The following TMCO5A variants were observed in gnomAD, a reference collection of about 807,000 sequenced individuals.
The protein encoded by TMCO5A is transmembrane and coiled-coil domain-containing protein 5A.
TMCO5A carries 34 observed loss-of-function variants against 42.3 expected under a neutral mutation model. The ratio of observed to expected loss-of-function variants is 0.80; its 90% confidence interval spans 0.61 to 1.07. TMCO5A has a LOEUF of 1.07. TMCO5A is among the 50% of genes least tolerant of loss of function. The pLI is 0.00. For missense variants in TMCO5A, 357 were observed against 327.9 expected, an observed-to-expected ratio of 1.09 and a Z score of -0.69; for synonymous variants, 131 against 115.6, an observed-to-expected ratio of 1.13 and a Z score of -0.86.
At chr15:37,980,503 G>A in the TMCO5A span, among the ~76,000 whole-genome samples, 1 of 152,090 alleles carries the variant, frequency 6.6e-6, no homozygotes, top group Admixed American at 6.5e-5. Context: ...GAGTTGTGTT[G>A]CTTCCCCGAT....
intron 9 of TMCO5A, 41 bp downstream of exon 9, chr15:37,942,296 T>A (rs767018490): frequency 6.3e-7 from 1 of 1,592,616 alleles, no homozygotes. Context: ...TGGTAGAAAC[T>A]CCATCTCAGC....
intron 10 of TMCO5A, 97 bp downstream of exon 10, chr15:37,943,495 G>A: frequency 8.3e-7 from 1 of 1,209,694 alleles, no homozygotes; most frequent in Non-Finnish European, 1.2e-6. Flanking sequence ...ACCCAATCTT[G>A]CCATGCGCAT....
At chr15:37,971,587 C>T (rs575405696), downstream of TMCO5A, among the ~76,000 whole-genome samples, 44 of 152,326 alleles carry the variant, frequency 2.9e-4, no homozygotes, top group African/African-American at 8.9e-4. Flanking sequence ...CAATGTCAGG[C>T]TGCATATTTT....
intron 6 of TMCO5A, 29 bp from the exon 7 acceptor site, chr15:37,941,120 A>T: frequency 3.1e-6 from 5 of 1,611,778 alleles, no homozygotes; most frequent in Non-Finnish European, 4.2e-6. Flanking sequence ...TTACCTTGCC[A>T]AGTTAGCAGT....
chr15:37,959,860 T>C (rs1201636666), intron 11 of TMCO5A, among the ~76,000 whole-genome samples: 1 of 151,598 alleles, frequency 6.6e-6, no homozygotes, highest in Non-Finnish European at 1.5e-5. Context: ...AGAAAGAACA[T>C]CCAAATTGGA....
chr15:38,032,312 GC>G, the TMCO5A span, among the ~76,000 whole-genome samples: 1 of 152,110 alleles, frequency 6.6e-6, no homozygotes, highest in Non-Finnish European at 1.5e-5. Flanking sequence ...TTCCCCATCT[GC>G]CCCACCAGAT....
At chr15:37,977,462 C>T in the TMCO5A span, among the ~76,000 whole-genome samples, 4 of 152,128 alleles carry the variant, frequency 2.6e-5, no homozygotes, top group Non-Finnish European at 4.4e-5. Context: ...CTTGGTTTCA[C>T]GGGGTGTATA....
chr15:37,981,377 C>A, the TMCO5A span, among the ~76,000 whole-genome samples: 1 of 152,162 alleles, frequency 6.6e-6, no homozygotes, highest in African/African-American at 2.4e-5. Flanking sequence ...AAACTTTTGA[C>A]AATGAACAGC....
At position 37,941,855 on chromosome 15, in the gene TMCO5A, T is replaced by A. The variant is rs191778291; in HGVS notation, c.504+125T>A. On this transcript the variant is annotated intron_variant, in intron 8 of 11. Coordinates refer to ENST00000319669, the MANE Select transcript of TMCO5A (RefSeq NM_152453.4). The stretch of plus-strand genomic sequence containing the variant: ...GTTCAAGGTGGCACTACTAGGATAC[T>A]TTAAGGTCATCAGCACCCCACCTCA... The A allele has an allele frequency of 3.7e-5, 29 of 794,054 alleles. No individual in the cohort carries two copies. In the Admixed American group the frequency reaches 5.1e-4, roughly 14 times the overall value. 49.2% of individuals were successfully genotyped at this position (794,054 alleles called of 1,614,324 possible). A position where few individuals can be genotyped will look rare whatever the true frequency, so the allele number is the denominator to read the frequency against.
chr15:37,960,487 T>A (rs534269225), intron 11 of TMCO5A, among the ~76,000 whole-genome samples: 2 of 152,272 alleles, frequency 1.3e-5, no homozygotes, highest in South Asian at 4.1e-4. Flanking sequence ...TGTGCTGCTA[T>A]AAACATGAGT....
chr15:38,000,484 C>A, the TMCO5A span, among the ~76,000 whole-genome samples: 27 of 151,314 alleles, frequency 1.8e-4, no homozygotes, highest in Non-Finnish European at 3.2e-4. Flanking sequence ...TTTCATTGAT[C>A]TTTGTGTATT....
At chr15:37,940,826 T>G (rs552432074) in intron 6 of TMCO5A, among the ~76,000 whole-genome samples, 2 of 152,096 alleles carry the variant, frequency 1.3e-5, no homozygotes, top group Non-Finnish European at 2.9e-5. Context: ...TCTGACTGAC[T>G]ATATTAAAAG....
At chr15:37,965,130 T>C (rs530699465) in intron 11 of TMCO5A, among the ~76,000 whole-genome samples, 7 of 152,110 alleles carry the variant, frequency 4.6e-5, no homozygotes, top group Admixed American at 6.6e-5. Context: ...GTGAACTCAT[T>C]GTTGACAAAA....
chr15:38,040,476 T>C, the TMCO5A span: 42 of 152,260 alleles, frequency 2.8e-4, no homozygotes, highest in Non-Finnish European at 5.1e-4. Flanking sequence ...AAAATATATG[T>C]CCGTGCAAAA....
chr15:38,023,329 T>G, the TMCO5A span, among the ~76,000 whole-genome samples: 5 of 152,194 alleles, frequency 3.3e-5, no homozygotes, highest in Non-Finnish European at 5.9e-5. Flanking sequence ...ATGACTAGTC[T>G]CTGCTCCATA....
At chr15:37,983,610 G>C in the TMCO5A span, among the ~76,000 whole-genome samples, 2 of 152,052 alleles carry the variant, frequency 1.3e-5, no homozygotes, top group African/African-American at 4.8e-5. Flanking sequence ...AAGAAATTTA[G>C]AGATTATTTC....
At chr15:37,994,084 A>T in the TMCO5A span, among the ~76,000 whole-genome samples, 1 of 152,286 alleles carries the variant, frequency 6.6e-6, no homozygotes, top group East Asian at 1.9e-4. Flanking sequence ...TCAAAAAAAG[A>T]ATTTAAACCT....
chr15:37,971,524 T>G (rs1185742030), downstream of TMCO5A, among the ~76,000 whole-genome samples: 1 of 152,208 alleles, frequency 6.6e-6, no homozygotes, highest in Non-Finnish European at 1.5e-5. Flanking sequence ...TTATGCAAAT[T>G]TCTGCAGCTG....
chr15:37,978,675 G>C, the TMCO5A span, among the ~76,000 whole-genome samples: 3 of 152,200 alleles, frequency 2.0e-5, no homozygotes, highest in Admixed American at 2.0e-4. Context: ...AGCCACCATC[G>C]ATTGATGTGT....
Sources: allele counts gnomAD v4.1 joint callset (sites outside exome capture counted in the v4.1 genomes callset), GRCh38; gene constraint gnomAD v4.1.1; transcripts MANE v1.5; gene names NCBI Gene and HGNC (gene_info 2026-07-23, HGNC 2026-07-21).